Variants in HAUS3 observed in about 807,000 individuals in gnomAD.
The protein encoded by HAUS3 is HAUS augmin like complex subunit 3.
A neutral mutation model predicts 55.2 loss-of-function variants in HAUS3; 36 were observed. That is an observed-to-expected ratio of 0.65 (90% confidence interval 0.50 to 0.86). HAUS3 has a LOEUF of 0.86. HAUS3 is among the 40% of genes least tolerant of loss of function. HAUS3 has a pLI of 0.00. For synonymous variants in HAUS3, 234 were observed against 238.6 expected (o/e 0.98, Z 0.18); for missense variants, 752 against 671.5 (o/e 1.12, Z -1.33).
Position 2,238,687 on chromosome 4 carries a change from T to C in HAUS3, c.1266A>G (p.Gln422=). 2 of 1,613,346 alleles carry C rather than the reference T, an allele frequency of 1.2e-6. No homozygotes were observed. Among genetic ancestry groups the C allele is most frequent in the Non-Finnish European group, 1.7e-6 (2 of 1,179,390 alleles). ...CTGATGGATCTGTTAACATTTCTAATTGCTTGTAGAGCATCATGTTACTTT... is the reference window on the plus strand; with the variant it reads ...CTGATGGATCTGTTAACATTTCTAACTGCTTGTAGAGCATCATGTTACTTT... ...LSQSNMMLYK[Q]LEMLTDPSVS... Residue 422 remains glutamine, a synonymous_variant, in exon 4 of 6, where the codon CAA becomes CAG. Transcript: ENST00000443786.
chr4:2,242,106 C>G lies in HAUS3; in HGVS notation c.-474G>C, dbSNP rs1050180272. 9 of 985,912 alleles carry G rather than the reference C, an allele frequency of 9.1e-6. No homozygotes were observed. Among genetic ancestry groups the G allele is most frequent in the Non-Finnish European group, 1.1e-5 (9 of 830,268 alleles). The allele number at this position is 985,912 out of a possible 1,614,324, so 61.1% of individuals were successfully genotyped here. Reference sequence around the variant, plus strand: ...GCCCGCCGCCACCGCCCTCCGTGCCCCGCGCGCCTCGCACTGCCTCACGGG... The same window carrying G: ...GCCCGCCGCCACCGCCCTCCGTGCCGCGCGCGCCTCGCACTGCCTCACGGG... On this transcript the variant is annotated 5_prime_UTR_variant, in exon 1 of 6. Transcript: ENST00000443786.
At chr4:2,233,561 T>C (rs1734656766) in intron 5 of HAUS3, among the ~76,000 whole-genome samples, 1 of 152,122 alleles carries the variant, frequency 6.6e-6, no homozygotes, top group African/African-American at 2.4e-5. Context: ...ATACACAGTG[T>C]GGAAAATTAC....
At position 2,230,498 on chromosome 4, in the gene HAUS3, G is replaced by C. The variant is rs1734541871; in HGVS notation, c.*1429C>G. ...CAAAAAAAAAGTTGCTCAGGTGATA[G>C]GGAGCTGATAGCAAAATCTTAAACA... On this transcript the variant is annotated 3_prime_UTR_variant, in exon 6 of 6. Coordinates refer to ENST00000443786, the MANE Select transcript of HAUS3 (RefSeq NM_001303143.2). 1 of 152,220 alleles carries C rather than the reference G, an allele frequency of 6.6e-6. No individual in the cohort carries two copies. The highest frequency in any genetic ancestry group is 2.4e-5 in the African/African-American group (1 of 41,520). The allele number at this position is 152,220 out of a possible 1,614,324, so 9.4% of individuals were successfully genotyped here. A position where few individuals can be genotyped will look rare whatever the true frequency, so the allele number is the denominator to read the frequency against.
chr4:2,239,142 G>T, intron 3 of HAUS3, 99 bp from the exon 4 acceptor site: 1 of 586,344 alleles, frequency 1.7e-6, no homozygotes, highest in Non-Finnish European at 2.8e-6. Context: ...CAGATAATAA[G>T]CTCAATGAAT....
chr4:2,231,969 TA>T lies in HAUS3; in HGVS notation c.1769del (p.Leu590Ter). On this transcript the variant is annotated frameshift_variant, in exon 6 of 6. Transcript: ENST00000443786. LOFTEE classifies it high-confidence loss of function. ...EDYLKDIVEN[L>X]ETQSKIKAVS... ...CAGCCTTAATCTTTGATTGAGTTTCTAAATTCTCCACAATATCTTTCAGATA... is the reference window on the plus strand; with the variant it reads ...CAGCCTTAATCTTTGATTGAGTTTCTAATTCTCCACAATATCTTTCAGATA... 1 of 1,464,972 alleles carries T rather than the reference TA, an allele frequency of 6.8e-7. No homozygotes were observed. Among genetic ancestry groups the T allele is most frequent in the Non-Finnish European group, 9.4e-7 (1 of 1,058,372 alleles). The allele number at this position is 1,464,972 out of a possible 1,614,324, so 90.7% of individuals were successfully genotyped here. A position where few individuals can be genotyped will look rare whatever the true frequency, so the allele number is the denominator to read the frequency against.
At chr4:2,232,525 A>T (rs937387590) in intron 5 of HAUS3, among the ~76,000 whole-genome samples, 2 of 152,222 alleles carry the variant, frequency 1.3e-5, no homozygotes, top group Non-Finnish European at 2.9e-5. Context: ...TATTCTGCTT[A>T]ATAAATCAAA....
Position 2,240,539 on chromosome 4 carries a change from C to T in HAUS3, c.408G>A (p.Arg136=), listed in dbSNP as rs545904291. The part of the protein sequence containing the change: ...MASVTSHKSL[R]LNAKEEEATK... Reference sequence around the variant, plus strand: ...TGGCTTCTTCTTCTTTAGCATTTAACCTCAGAGATTTGTGGCTAGTTACTG... The same window carrying T: ...TGGCTTCTTCTTCTTTAGCATTTAATCTCAGAGATTTGTGGCTAGTTACTG... Residue 136 remains arginine (R), a synonymous_variant, in exon 3 of 6, where the codon AGG becomes AGA. Coordinates refer to ENST00000443786, the MANE Select transcript of HAUS3 (RefSeq NM_001303143.2). 16 of 1,613,712 alleles carry T rather than the reference C, an allele frequency of 9.9e-6. No homozygotes were observed. Among genetic ancestry groups the T allele is most frequent in the Non-Finnish European group, 1.1e-5 (13 of 1,179,934 alleles).
rs1204283791 is a variant in HAUS3 at position 2,240,127 on chromosome 4, G to A, written c.820C>T (p.His274Tyr). ...RLQLAYICAQ[H>Y]QLIHLKASNS... is the part of the protein sequence containing the mutation. ...CTTGCTTTTAAGTGAATTAACTGATGTTGAGCACAAATGTATGCGAGCTGC... is the reference window on the plus strand; with the variant it reads ...CTTGCTTTTAAGTGAATTAACTGATATTGAGCACAAATGTATGCGAGCTGC... The change falls in exon 3 of 6, where the codon CAT (histidine) becomes TAT (tyrosine). Residue 274 changes from histidine to tyrosine, a missense_variant. By Grantham distance (83) the His-to-Tyr change is moderately conservative. Coordinates refer to ENST00000443786, the MANE Select transcript of HAUS3 (RefSeq NM_001303143.2). 6.2e-7 allele frequency: 1 copy of A among 1,613,870 alleles called. No individual in the cohort carries two copies. The highest frequency in any genetic ancestry group is 1.1e-5 in the South Asian group (1 of 91,066).
chr4:2,239,557 T>C (rs1734895308), intron 3 of HAUS3, among the ~76,000 whole-genome samples: 1 of 152,120 alleles, frequency 6.6e-6, no homozygotes. Context: ...GAAAACAAGC[T>C]CTCCAAGAGT....
rs1560102210 is a variant in HAUS3 at position 2,231,772 on chromosome 4, T to C, written c.*155A>G. On this transcript the variant is annotated 3_prime_UTR_variant, in exon 6 of 6. Coordinates refer to ENST00000443786, the MANE Select transcript of HAUS3 (RefSeq NM_001303143.2). ...AAAAGCACTGGTATTCTGAATGTAC[T>C]ACATGAGAAAAAAGACAAATTAATA... is the stretch of plus-strand genomic sequence containing the variant. The C allele has an allele frequency of 7.5e-6, 4 of 535,012 alleles. No individual in the cohort carries two copies. Among genetic ancestry groups the C allele is most frequent in the South Asian group, 2.5e-5 (1 of 39,282 alleles). 33.1% of individuals were successfully genotyped at this position (535,012 alleles called of 1,614,324 possible).
chr4:2,241,117 T>C lies in HAUS3; in HGVS notation c.-147-24A>G, dbSNP rs1231463283. 9.0e-6 allele frequency: 5 copies of C among 554,520 alleles called. No individual in the cohort carries two copies. The East Asian group carries it at 1.6e-4, about 18-fold the overall frequency. 34.3% of individuals were successfully genotyped at this position (554,520 alleles called of 1,614,324 possible). On this transcript the variant is annotated intron_variant, in intron 2 of 5. Transcript: ENST00000443786. ...TCCTAGGGGGGAAGAAAACAAGTAT[T>C]AGACCACAAATATGACGACAGTGTT...
rs1002483666 is a variant in HAUS3 at position 2,230,909 on chromosome 4, A to G, written c.*1018T>C. The stretch of plus-strand genomic sequence containing the variant: ...CTGCCCAAATACCATTGTTAAATAC[A>G]ATTAGACATTTTTGCTCTTAAACTG... On this transcript the variant is annotated 3_prime_UTR_variant, in exon 6 of 6. Transcript: ENST00000443786. 6.6e-6 allele frequency: 1 copy of G among 152,226 alleles called. No homozygotes were observed. The allele number at this position is 152,226 out of a possible 1,614,324, so 9.4% of individuals were successfully genotyped here.
At chr4:2,235,996 A>T (rs1404004385) in intron 5 of HAUS3, among the ~76,000 whole-genome samples, 1 of 152,204 alleles carries the variant, frequency 6.6e-6, no homozygotes, top group African/African-American at 2.4e-5. Flanking sequence ...AACATTACAT[A>T]TTCTTTTGTG....
Position 2,231,915 on chromosome 4 carries a change from T to C in HAUS3, c.*12A>G. ...AGAGGACACGTAATAAAGATTCAGTTTTCAGTAATTTTCAATCTTCAAGAC... is the reference window on the plus strand; with the variant it reads ...AGAGGACACGTAATAAAGATTCAGTCTTCAGTAATTTTCAATCTTCAAGAC... On this transcript the variant is annotated 3_prime_UTR_variant, in exon 6 of 6. Coordinates refer to ENST00000443786, the MANE Select transcript of HAUS3 (RefSeq NM_001303143.2). 9.3e-7 allele frequency: 1 copy of C among 1,069,998 alleles called. No homozygotes were observed. Among genetic ancestry groups the C allele is most frequent in the Non-Finnish European group, 1.4e-6 (1 of 715,356 alleles). The allele number at this position is 1,069,998 out of a possible 1,614,324, so 66.3% of individuals were successfully genotyped here.
rs765977605 is a variant in HAUS3, at chr4:2,240,598, T to G, written c.349A>C (p.Ile117Leu). Residue 117 changes from isoleucine to leucine, a missense_variant, in exon 3 of 6, where the codon ATT becomes CTT. Coordinates refer to ENST00000443786, the MANE Select transcript of HAUS3 (RefSeq NM_001303143.2). Reference sequence around the variant, plus strand: ...AATTGACATTTATTACGTCGCTGAATTTTTAGGTTCTTTAATTTCAGTAGA... The same window carrying G: ...AATTGACATTTATTACGTCGCTGAAGTTTTAGGTTCTTTAATTTCAGTAGA... The part of the protein sequence containing the change: ...QTLLKLKNLK[I>L]QRRNKCQLMA... The G allele has an allele frequency of 3.1e-6, 5 of 1,612,306 alleles. No homozygotes were observed. In the South Asian group the frequency reaches 4.4e-5, roughly 14 times the overall value.
Position 2,241,003 on chromosome 4 carries a change from A to G in HAUS3, c.-57T>C. 5 of 1,321,860 alleles carry G rather than the reference A, an allele frequency of 3.8e-6. No homozygotes were observed. In the South Asian group the frequency reaches 6.5e-5, roughly 17 times the overall value. 81.9% of individuals were successfully genotyped at this position (1,321,860 alleles called of 1,614,324 possible). On this transcript the variant is annotated 5_prime_UTR_variant, in exon 3 of 6. Coordinates refer to ENST00000443786, the MANE Select transcript of HAUS3 (RefSeq NM_001303143.2). The stretch of plus-strand genomic sequence containing the variant: ...ATATGGGTTTACGGTGTTGATTTTT[A>G]GAAAATAAATCCAAGCAGAAAAAAA...
chr4:2,231,975 C>T lies in HAUS3; in HGVS notation c.1764G>A (p.Glu588=). 2.0e-6 allele frequency: 3 copies of T among 1,472,724 alleles called. No individual in the cohort carries two copies. Among genetic ancestry groups the T allele is most frequent in the South Asian group, 1.2e-5 (1 of 82,962 alleles). The allele number at this position is 1,472,724 out of a possible 1,614,324, so 91.2% of individuals were successfully genotyped here. A position where few individuals can be genotyped will look rare whatever the true frequency, so the allele number is the denominator to read the frequency against. The stretch of plus-strand genomic sequence containing the variant: ...TAATCTTTGATTGAGTTTCTAAATT[C>T]TCCACAATATCTTTCAGATAATCTT... ...KDEDYLKDIV[E]NLETQSKIKA... The change falls in exon 6 of 6, where the codon GAG becomes GAA. Residue 588 remains glutamate (E), a synonymous_variant. Transcript: ENST00000443786.
At position 2,231,787 on chromosome 4, in the gene HAUS3, A is replaced by G. The variant is rs910860486; in HGVS notation, c.*140T>C. 7 of 562,096 alleles carry G rather than the reference A, an allele frequency of 1.2e-5. No homozygotes were observed. The African/African-American group carries it at 1.4e-4, about 11-fold the overall frequency. 34.8% of individuals were successfully genotyped at this position (562,096 alleles called of 1,614,324 possible). A position where few individuals can be genotyped will look rare whatever the true frequency, so the allele number is the denominator to read the frequency against. On this transcript the variant is annotated 3_prime_UTR_variant, in exon 6 of 6. Coordinates refer to ENST00000443786, the MANE Select transcript of HAUS3 (RefSeq NM_001303143.2). ...CTGAATGTACTACATGAGAAAAAAG[A>G]CAAATTAATATAATAGTTCAATTCA...
chr4:2,240,568 C>T lies in HAUS3; in HGVS notation c.379G>A (p.Ala127Thr). The T allele has an allele frequency of 6.2e-7, 1 of 1,613,168 alleles. No homozygotes were observed. The highest frequency in any genetic ancestry group is 8.5e-7 in the Non-Finnish European group (1 of 1,179,838). The change falls in exon 3 of 6, where the codon GCT becomes ACT. Residue 127 changes from alanine to threonine, a missense_variant. Transcript: ENST00000443786. ...AGAGATTTGTGGCTAGTTACTGAAG[C>T]CATCAATTGACATTTATTACGTCGC... ...IQRRNKCQLM[A>T]SVTSHKSLRL...
Sources: gnomAD v4.1 joint callset for allele counts (sites outside exome capture counted in the v4.1 genomes callset) on GRCh38, gnomAD v4.1.1 for gene constraint, MANE v1.5 for transcripts, NCBI Gene and HGNC (gene_info 2026-07-23, HGNC 2026-07-21) for gene names.